ADAMTS19: variants seen among roughly 807,000 people sequenced by gnomAD.
The protein encoded by ADAMTS19 is A disintegrin and metalloproteinase with thrombospondin motifs 19.
In ADAMTS19, 93 loss-of-function variants were observed where a neutral mutation model predicts 153.3. That is an observed-to-expected ratio of 0.61 (90% CI 0.51 to 0.72). The LOEUF is 0.72. ADAMTS19 is among the 30% of genes least tolerant of loss of function. The probability of loss-of-function intolerance (pLI) is 0.00; values close to 1 mark genes in which losing one functional copy is unlikely to be tolerated. For missense variants in ADAMTS19, 1,482 were observed against 1,552.1 expected (o/e 0.95, Z 0.76); for synonymous variants, 600 against 556.6 (o/e 1.08, Z -1.10).
At chr5:129,669,744 T>A (rs557486104) in intron 16 of ADAMTS19, among the ~76,000 whole-genome samples, 1 of 152,284 alleles carries the variant, frequency 6.6e-6, no homozygotes, top group South Asian at 2.1e-4. Flanking sequence ...ACCTTTGCTG[T>A]GTCCCATAAG....
intron 8 of ADAMTS19, among the ~76,000 whole-genome samples, chr5:129,612,192 C>A (rs1751261275): frequency 7.1e-6 from 1 of 141,752 alleles, no homozygotes; most frequent in East Asian, 2.1e-4. Flanking sequence ...TCTCATTATT[C>A]AATTCCCACC....
At chr5:129,665,364 A>C in intron 15 of ADAMTS19, 135 bp from the exon 16 acceptor site, 2 of 579,358 alleles carry the variant, frequency 3.5e-6, no homozygotes, top group Non-Finnish European at 5.7e-6. Context: ...TTTATATATA[A>C]AAATTTTTCT....
chr5:129,546,343 A>C (rs1274989304), intron 6 of ADAMTS19, among the ~76,000 whole-genome samples: 3 of 150,772 alleles, frequency 2.0e-5, no homozygotes, highest in African/African-American at 7.5e-5. Flanking sequence ...ATATGTAACT[A>C]ACCTGCACAA....
At chr5:129,677,015 G>C (rs1452577899) in intron 16 of ADAMTS19, among the ~76,000 whole-genome samples, 1 of 152,012 alleles carries the variant, frequency 6.6e-6, no homozygotes, top group Non-Finnish European at 1.5e-5. Context: ...ACCGACCTTA[G>C]TACATATCTA....
chr5:129,619,927 G>T (rs1184684365), intron 8 of ADAMTS19, among the ~76,000 whole-genome samples: 2 of 151,880 alleles, frequency 1.3e-5, no homozygotes, highest in African/African-American at 4.8e-5. Context: ...GCTAGCAAAA[G>T]CATAAAAAGA....
intron 19 of ADAMTS19, among the ~76,000 whole-genome samples, chr5:129,699,375 A>G (rs1202368677): frequency 6.7e-6 from 1 of 150,130 alleles, no homozygotes; most frequent in Admixed American, 6.7e-5. Context: ...GTGAGCCAAG[A>G]TTGTACCATT....
At chr5:129,613,792 G>A (rs1279190797) in intron 8 of ADAMTS19, among the ~76,000 whole-genome samples, 1 of 151,986 alleles carries the variant, frequency 6.6e-6, no homozygotes, top group East Asian at 1.9e-4. Context: ...CTGCTAGCGA[G>A]ACTAATAAAG....
chr5:129,725,872 C>T (rs1757188974), intron 21 of ADAMTS19, among the ~76,000 whole-genome samples: 1 of 152,092 alleles, frequency 6.6e-6, no homozygotes, highest in Admixed American at 6.6e-5. Flanking sequence ...TGTTGGTTTA[C>T]ATGGTGAAAT....
chr5:129,605,742 A>G (rs61238981), intron 8 of ADAMTS19, among the ~76,000 whole-genome samples: 4,267 of 152,206 alleles, frequency 0.028, 196 homozygotes, highest in African/African-American at 0.096. Context: ...AAAATAACCA[A>G]TATAGCCCTA....
intron 21 of ADAMTS19, among the ~76,000 whole-genome samples, chr5:129,723,517 C>T (rs1488459847): frequency 6.6e-6 from 1 of 152,148 alleles, no homozygotes; most frequent in African/African-American, 2.4e-5. Context: ...AACTATTTCT[C>T]TAATCATTTT....
rs982253790 is a variant in ADAMTS19 at position 129,565,798 on chromosome 5, T to A, written c.1372+13891T>A. The stretch of plus-strand genomic sequence containing the variant: ...AGAAGCCTTAGTATTTTCTTCCAAA[T>A]CTGGATGTGAAGGGAAAAAAGGTCT... On this transcript the variant is annotated intron_variant, in intron 7 of 22. Transcript: ENST00000274487. 1.4e-3 allele frequency among the ~76,000 whole-genome samples: 206 copies of A among 152,170 alleles called. 7 individuals carry two copies. Among genetic ancestry groups the A allele is most frequent in the Middle Eastern group, 3.4e-3 (1 of 294 alleles).
At chr5:129,622,513 A>C (rs566709096) in intron 10 of ADAMTS19, among the ~76,000 whole-genome samples, 165 bp downstream of exon 10, 1 of 152,236 alleles carries the variant, frequency 6.6e-6, no homozygotes, top group Non-Finnish European at 1.5e-5. Flanking sequence ...ATACTTTGGA[A>C]GCGATAGAAA....
intron 7 of ADAMTS19, among the ~76,000 whole-genome samples, chr5:129,587,060 T>G (rs1749841661): frequency 3.4e-5 from 2 of 58,814 alleles, no homozygotes; most frequent in Admixed American, 1.7e-4. Flanking sequence ...TTTGGGTATT[T>G]TAAATTAATC....
chr5:129,688,632 G>A (rs1009380630), intron 18 of ADAMTS19, among the ~76,000 whole-genome samples: 1 of 152,160 alleles, frequency 6.6e-6, no homozygotes, highest in African/African-American at 2.4e-5. Context: ...AATCTCTGAT[G>A]AAGGCTGATC....
At chr5:129,625,298 T>C (rs1294518622) in intron 10 of ADAMTS19, among the ~76,000 whole-genome samples, 1 of 152,198 alleles carries the variant, frequency 6.6e-6, no homozygotes, top group Non-Finnish European at 1.5e-5. Flanking sequence ...AATAAACATA[T>C]GTGTGCATGT....
In ADAMTS19 at chr5:129,547,574, A is replaced by C. The variant is rs1057061467; in HGVS notation, c.1329-4290A>C. Among the ~76,000 whole-genome samples the C allele has an allele frequency of 6.6e-5, 10 of 150,716 alleles. 1 individual carries two copies. The highest frequency in any genetic ancestry group is 6.6e-4 in the Admixed American group (10 of 15,208). ...AAATAAAAGGAAGAAAGAGAAAAAG[A>C]AGAACAAAGAAATATAACTTGGCAT... On this transcript the variant is annotated intron_variant, in intron 6 of 22. Transcript: ENST00000274487.
intron 3 of ADAMTS19, among the ~76,000 whole-genome samples, chr5:129,522,287 A>ATG (rs201543978): frequency 0.012 from 1,456 of 124,390 alleles, 42 homozygotes; most frequent in African/African-American, 0.041. Context: ...GCGTAGTTGT[A>ATG]TGTGTGTGTG....
At chr5:129,568,975 A>G (rs901047620) in intron 7 of ADAMTS19, among the ~76,000 whole-genome samples, 1 of 152,114 alleles carries the variant, frequency 6.6e-6, no homozygotes, top group African/African-American at 2.4e-5. Context: ...TCACATTTCA[A>G]TAATTCATTA....
intron 19 of ADAMTS19, among the ~76,000 whole-genome samples, chr5:129,698,752 A>G (rs1486626783): frequency 6.6e-6 from 1 of 152,190 alleles, no homozygotes; most frequent in Non-Finnish European, 1.5e-5. Context: ...TAGTTGGAAA[A>G]GATATGTAGA....
Sources: gnomAD v4.1 joint callset for allele counts (sites outside exome capture counted in the v4.1 genomes callset) on GRCh38, gnomAD v4.1.1 for gene constraint, MANE v1.5 for transcripts, NCBI Gene and HGNC (gene_info 2026-07-23, HGNC 2026-07-21) for gene names.